ANKRD62: variants seen among roughly 807,000 people sequenced by gnomAD.
ANKRD62 encodes the protein ankyrin repeat domain-containing protein 62.
Under a neutral mutation model 98.8 loss-of-function variants are expected in ANKRD62, and 61 were observed. The ratio of observed to expected loss-of-function variants is 0.62; its 90% confidence interval spans 0.50 to 0.76. The LOEUF (loss-of-function observed/expected upper bound fraction) is 0.76, where lower values mean the gene tolerates loss of function less well. Among genes scored for constraint, ANKRD62 ranks in the 30% least tolerant of loss-of-function variants. The pLI is 0.00. For missense variants in ANKRD62, 933 were observed against 1,082.9 expected, an observed-to-expected ratio of 0.86 and a Z score of 1.94; for synonymous variants, 341 against 367.9, an observed-to-expected ratio of 0.93 and a Z score of 0.84.
chr18:12,132,782 G>A (rs1424027579), downstream of ANKRD62, among the ~76,000 whole-genome samples: 1 of 151,804 alleles, frequency 6.6e-6, no homozygotes, highest in South Asian at 2.1e-4. Context: ...AATTGATTTG[G>A]GGGAGAAGGT....
At chr18:12,167,124 G>A in the ANKRD62 span, among the ~76,000 whole-genome samples, 1 of 150,680 alleles carries the variant, frequency 6.6e-6, no homozygotes, top group African/African-American at 2.4e-5. Flanking sequence ...GTTATACTAA[G>A]TTTTTTAAAT....
At chr18:12,145,376 T>C in the ANKRD62 span, among the ~76,000 whole-genome samples, 1 of 152,196 alleles carries the variant, frequency 6.6e-6, no homozygotes, top group Non-Finnish European at 1.5e-5. Flanking sequence ...CTCCTTCTGG[T>C]ATGTTCAGAA....
intron 13 of ANKRD62, 118 bp from the exon 14 acceptor site, chr18:12,127,627 GAGA>G (rs1909920526): frequency 1.5e-6 from 1 of 652,150 alleles, no homozygotes; most frequent in Non-Finnish European, 2.3e-6. Flanking sequence ...ACATGAGGAG[GAGA>G]AGAAGAATCA....
chr18:12,101,957 T>C (rs1285626538), intron 6 of ANKRD62: 12 of 900,344 alleles, frequency 1.3e-5, no homozygotes, highest in Non-Finnish European at 2.1e-5. Flanking sequence ...CAAAGAGGCA[T>C]ACATCAGTTC....
the ANKRD62 span, among the ~76,000 whole-genome samples, chr18:12,168,926 G>T: frequency 1.3e-5 from 2 of 151,834 alleles, no homozygotes; most frequent in African/African-American, 4.8e-5. Flanking sequence ...TCATGATTTG[G>T]CTCTGTTTGT....
the ANKRD62 span, among the ~76,000 whole-genome samples, chr18:12,139,113 T>C: frequency 6.6e-6 from 1 of 152,114 alleles, no homozygotes; most frequent in Non-Finnish European, 1.5e-5. Flanking sequence ...TTTTGCTCGT[T>C]AGTTGATGCA....
At chr18:12,120,873 A>G (rs1401776372) in intron 10 of ANKRD62, among the ~76,000 whole-genome samples, 1 of 152,166 alleles carries the variant, frequency 6.6e-6, no homozygotes, top group Admixed American at 6.5e-5. Context: ...GTTATACCAC[A>G]TCATAGATGG....
the ANKRD62 span, among the ~76,000 whole-genome samples, chr18:12,167,706 G>A: frequency 3.9e-5 from 6 of 152,088 alleles, 1 homozygote; most frequent in South Asian, 4.1e-4. Flanking sequence ...TTGAGGAATC[G>A]CCACACCGTC....
the ANKRD62 span, among the ~76,000 whole-genome samples, chr18:12,174,128 G>C: frequency 3.1e-4 from 47 of 152,254 alleles, no homozygotes; most frequent in East Asian, 4.8e-3. Flanking sequence ...TCAGGGACAC[G>C]AATGAGGCAT....
downstream of ANKRD62, among the ~76,000 whole-genome samples, chr18:12,130,909 T>C (rs1909993715): frequency 6.6e-6 from 1 of 152,140 alleles, no homozygotes; most frequent in African/African-American, 2.4e-5. Flanking sequence ...AGGCTGGTCT[T>C]GAACTCCTGA....
At chr18:12,096,341 T>A in intron 4 of ANKRD62, 39 bp downstream of exon 4, 1 of 1,265,432 alleles carries the variant, frequency 7.9e-7, no homozygotes, top group Non-Finnish European at 1.1e-6. Flanking sequence ...TAAACCTGAG[T>A]GGTGTTCTAG....
At chr18:12,151,001 A>G in the ANKRD62 span, among the ~76,000 whole-genome samples, 1 of 152,244 alleles carries the variant, frequency 6.6e-6, no homozygotes, top group African/African-American at 2.4e-5. Context: ...GGCAAGGTGC[A>G]TATAAAACAA....
chr18:12,133,665 C>T (rs1910038538), downstream of ANKRD62, among the ~76,000 whole-genome samples: 1 of 151,988 alleles, frequency 6.6e-6, no homozygotes, highest in African/African-American at 2.4e-5. Flanking sequence ...TGGCCATTGT[C>T]TATGTTCTTA....
intron 10 of ANKRD62, among the ~76,000 whole-genome samples, chr18:12,118,834 G>A (rs370852318): frequency 6.9e-6 from 1 of 144,846 alleles, no homozygotes; most frequent in African/African-American, 2.5e-5. Flanking sequence ...TTACATTCAC[G>A]CTCATGAGGG....
intron 1 of ANKRD62, among the ~76,000 whole-genome samples, chr18:12,094,894 G>T (rs1225887214): frequency 2.3e-5 from 3 of 131,166 alleles, no homozygotes; most frequent in Non-Finnish European, 4.9e-5. Context: ...TGGAGTGAGG[G>T]GACTGGTTGG....
chr18:12,114,971 A>G (rs1909629326), intron 8 of ANKRD62, 117 bp from the exon 9 acceptor site: 3 of 832,198 alleles, frequency 3.6e-6, no homozygotes. Context: ...TGTAAACATT[A>G]TAAATAAGAG....
rs1909319410 is a variant in ANKRD62 at position 12,102,351 on chromosome 18, G to A, written c.821-807G>A. 4.7e-6 allele frequency: 3 copies of A among 644,332 alleles called. No individual in the cohort carries two copies. In the South Asian group the frequency reaches 4.7e-5, roughly 10 times the overall value. 39.9% of individuals were successfully genotyped at this position (644,332 alleles called of 1,614,324 possible). ...AATGTACTCACTCCACACCATTCGG[G>A]GGTAGGTCGGTTCTGAAGTAATGCT... On this transcript the variant is annotated intron_variant, in intron 6 of 13. Coordinates refer to ENST00000587848, the MANE Select transcript of ANKRD62 (RefSeq NM_001277333.2).
the ANKRD62 span, among the ~76,000 whole-genome samples, chr18:12,145,478 G>T: frequency 6.6e-6 from 1 of 152,236 alleles, no homozygotes; most frequent in Non-Finnish European, 1.5e-5. Flanking sequence ...ACATGGCCAG[G>T]CTGCTTTTTT....
chr18:12,103,021 C>A, intron 6 of ANKRD62, 137 bp from the exon 7 acceptor site: 1 of 652,232 alleles, frequency 1.5e-6, no homozygotes, highest in Non-Finnish European at 2.2e-6. Flanking sequence ...GTAGATATAT[C>A]GCTAAAGATT....
Sources: allele counts gnomAD v4.1 joint callset (sites outside exome capture counted in the v4.1 genomes callset), GRCh38; gene constraint gnomAD v4.1.1; transcripts MANE v1.5; gene names NCBI Gene and HGNC (gene_info 2026-07-23, HGNC 2026-07-21).